INSYN2B: variants seen among roughly 807,000 people sequenced by gnomAD.
The protein encoded by INSYN2B is inhibitory synaptic factor family member 2B, also known as protein INSYN2B.
Under a neutral mutation model 41.2 loss-of-function variants are expected in INSYN2B, and 16 were observed. That is an observed-to-expected ratio of 0.39 (90% CI 0.26 to 0.59). The LOEUF (loss-of-function observed/expected upper bound fraction) is 0.59. INSYN2B is among the 20% of genes least tolerant of loss of function. The pLI is 0.57. For missense variants in INSYN2B, 608 were observed against 646.4 expected, an observed-to-expected ratio of 0.94 and a Z score of 0.64; for synonymous variants, 245 against 244.4, an observed-to-expected ratio of 1.00 and a Z score of -0.02.
intron 1 of INSYN2B, among the ~76,000 whole-genome samples, chr5:169,890,710 T>TTA (rs948538489): frequency 9.9e-5 from 15 of 152,136 alleles, no homozygotes; most frequent in Non-Finnish European, 1.8e-4. Context: ...AGATCCAGAC[T>TTA]TATATATTTG....
chr5:169,976,069 G>T (rs527845873), intron 1 of INSYN2B, among the ~76,000 whole-genome samples: 1 of 152,292 alleles, frequency 6.6e-6, no homozygotes, highest in Non-Finnish European at 1.5e-5. Flanking sequence ...TTTATGGAGG[G>T]GGTGGTCCCT....
rs1425348607 is a variant in INSYN2B at position 169,883,198 on chromosome 5, T to G, written c.701A>C (p.His234Pro). ...ACCTGGACGTGTGTCATCCAAAGGG[T>G]GTATGGAGTTACTTACTTCAGCTGA... ...DRSAEVSNSI[H>P]PLDDTRPGDG... The change falls in exon 2 of 4, where the codon CAC becomes CCC. Residue 234 changes from histidine to proline, a missense_variant. By Grantham distance (77) the His-to-Pro change is moderately conservative. Transcript: ENST00000377365. 1 of 1,551,464 alleles carries G rather than the reference T, an allele frequency of 6.4e-7. No individual in the cohort carries two copies. The highest frequency in any genetic ancestry group is 8.7e-7 in the Non-Finnish European group (1 of 1,146,914).
At chr5:169,912,413 G>A (rs529610720) in intron 1 of INSYN2B, among the ~76,000 whole-genome samples, 5 of 152,078 alleles carry the variant, frequency 3.3e-5, no homozygotes, top group African/African-American at 1.2e-4. Context: ...CTCTACTTGC[G>A]AAGGGTCTTT....
rs1466838693 is a variant in INSYN2B at position 169,863,977 on chromosome 5, TG to T, written c.*295del. 6.6e-6 allele frequency among the ~76,000 whole-genome samples: 1 copy of T among 152,136 alleles called. No individual in the cohort carries two copies. The highest frequency in any genetic ancestry group is 1.5e-5 in the Non-Finnish European group (1 of 68,036). On this transcript the variant is annotated 3_prime_UTR_variant, in exon 4 of 4. Transcript: ENST00000377365. ...GTGTAGTGTGGGGTTTTGCTCGTGG[TG>T]GGAATCTGGTCTTAAAACTCAGCAT... is the stretch of plus-strand genomic sequence containing the variant.
intron 3 of INSYN2B, among the ~76,000 whole-genome samples, chr5:169,865,625 T>A (rs1771499599): frequency 6.6e-6 from 1 of 152,160 alleles, no homozygotes; most frequent in Non-Finnish European, 1.5e-5. Flanking sequence ...CTTTTTGATG[T>A]GTTTGTTACC....
chr5:169,936,283 G>A (rs1342949281), intron 1 of INSYN2B, among the ~76,000 whole-genome samples: 2 of 152,170 alleles, frequency 1.3e-5, no homozygotes, highest in African/African-American at 4.8e-5. Flanking sequence ...GTGCTTCAAC[G>A]ACAGAGATGG....
At chr5:169,973,863 C>T (rs561530470) in intron 1 of INSYN2B, among the ~76,000 whole-genome samples, 1 of 152,260 alleles carries the variant, frequency 6.6e-6, no homozygotes, top group African/African-American at 2.4e-5. Flanking sequence ...TCCATACATC[C>T]ATCTATTCAT....
chr5:169,930,774 C>T (rs532484722), intron 1 of INSYN2B, among the ~76,000 whole-genome samples: 1 of 152,286 alleles, frequency 6.6e-6, no homozygotes, highest in East Asian at 1.9e-4. Flanking sequence ...GGTGAGCCTC[C>T]ATTTCCAGGT....
intron 1 of INSYN2B, among the ~76,000 whole-genome samples, chr5:169,888,326 C>A (rs970857195): frequency 6.6e-6 from 1 of 152,164 alleles, no homozygotes; most frequent in African/African-American, 2.4e-5. Flanking sequence ...AAATTAATAT[C>A]CTGGCCCAGG....
chr5:169,945,756 G>A (rs531147813), intron 1 of INSYN2B, among the ~76,000 whole-genome samples: 40 of 152,130 alleles, frequency 2.6e-4, no homozygotes, highest in Admixed American at 2.1e-3. Context: ...TGGTTCTCTC[G>A]GCCCCCAAGG....
intron 1 of INSYN2B, among the ~76,000 whole-genome samples, chr5:169,909,092 A>G (rs1774452506): frequency 6.6e-6 from 1 of 152,180 alleles, no homozygotes; most frequent in Non-Finnish European, 1.5e-5. Flanking sequence ...TGCTGATGTG[A>G]GGAGAGTCTG....
chr5:169,907,033 T>G (rs1169229982), intron 1 of INSYN2B, among the ~76,000 whole-genome samples: 1 of 152,192 alleles, frequency 6.6e-6, no homozygotes, highest in East Asian at 1.9e-4. Context: ...CTGCTCTCAC[T>G]GAGCTTATGG....
chr5:169,867,638 A>G (rs2113441195), intron 3 of INSYN2B, among the ~76,000 whole-genome samples: 1 of 152,004 alleles, frequency 6.6e-6, no homozygotes, highest in South Asian at 2.1e-4. Flanking sequence ...CTATCTATCT[A>G]TCTATCTATC....
intron 1 of INSYN2B, among the ~76,000 whole-genome samples, chr5:169,968,567 A>G (rs755281714): frequency 1.2e-4 from 19 of 152,198 alleles, no homozygotes; most frequent in Non-Finnish European, 2.4e-4. Context: ...AAATATCCCT[A>G]TGGAGTTCGT....
At chr5:169,891,990 C>T (rs547986413) in intron 1 of INSYN2B, among the ~76,000 whole-genome samples, 3 of 139,736 alleles carry the variant, frequency 2.1e-5, no homozygotes, top group Admixed American at 7.3e-5. Context: ...TGCGAGATTC[C>T]GTCCCAAAAA....
At chr5:169,925,373 C>T (rs1020511834) in intron 1 of INSYN2B, among the ~76,000 whole-genome samples, 9 of 151,948 alleles carry the variant, frequency 5.9e-5, no homozygotes, top group African/African-American at 7.2e-5. Context: ...CAAGGTCAGG[C>T]GTTAAAGACC....
intron 3 of INSYN2B, among the ~76,000 whole-genome samples, chr5:169,865,295 G>A (rs535209646): frequency 3.3e-5 from 5 of 152,254 alleles, no homozygotes; most frequent in South Asian, 2.1e-4. Context: ...TGAACCTGTC[G>A]CAGAGCAGGG....
In INSYN2B at chr5:169,883,409, C is replaced by T; in HGVS notation, c.490G>A (p.Val164Ile). The T allele has an allele frequency of 6.4e-7, 1 of 1,551,668 alleles. No individual in the cohort carries two copies. Among genetic ancestry groups the T allele is most frequent in the Non-Finnish European group, 8.7e-7 (1 of 1,146,958 alleles). Residue 164 changes from valine (V) to isoleucine (I), a missense_variant, in exon 2 of 4, where the codon GTC (valine) becomes ATC (isoleucine). By Grantham distance (29) the Val-to-Ile change is conservative. Transcript: ENST00000377365. ...AQHLEDGPRR[V>I]KVSHAFLPRV... ...GGGAGGAATGCATGGGACACCTTGA[C>T]CCTTCGAGGCCCATCCTCAAGATGC... is the stretch of plus-strand genomic sequence containing the variant.
intron 3 of INSYN2B, among the ~76,000 whole-genome samples, chr5:169,876,247 C>T (rs1041022160): frequency 6.6e-6 from 1 of 152,236 alleles, no homozygotes; most frequent in African/African-American, 2.4e-5. Context: ...CACTTCATTT[C>T]ATCTGCAAAG....
Sources: allele counts gnomAD v4.1 joint callset (sites outside exome capture counted in the v4.1 genomes callset), GRCh38; gene constraint gnomAD v4.1.1; transcripts MANE v1.5; gene names NCBI Gene and HGNC (gene_info 2026-07-23, HGNC 2026-07-21).